Variants in PARD6G observed in about 807,000 individuals in gnomAD.
PARD6G encodes par-6 family cell polarity regulator gamma, also known as partitioning defective 6 homolog gamma.
In PARD6G, 7 loss-of-function variants were observed where a neutral mutation model predicts 10.7. The ratio of observed to expected loss-of-function variants is 0.66; its 90% CI spans 0.37 to 1.23. PARD6G has a LOEUF of 1.23. Among genes scored for constraint, PARD6G ranks in the 50% most tolerant of loss-of-function variants. The pLI, the probability that PARD6G is intolerant of heterozygous loss-of-function variation, is 0.02. For missense variants in PARD6G, 548 were observed against 571.8 expected, an observed-to-expected ratio of 0.96 and a Z score of 0.42; for synonymous variants, 287 against 269.4, an observed-to-expected ratio of 1.07 and a Z score of -0.64.
At chr18:80,214,739 A>G (rs1967145437) in intron 1 of PARD6G, among the ~76,000 whole-genome samples, 1 of 152,120 alleles carries the variant, frequency 6.6e-6, no homozygotes, top group Non-Finnish European at 1.5e-5. Flanking sequence ...CATCAAACAA[A>G]TCTGGAGGTC....
chr18:80,247,016 G>C lies in PARD6G; in HGVS notation c.72+261C>G, dbSNP rs1967559235. On this transcript the variant is annotated intron_variant, in intron 1 of 2. Transcript: ENST00000353265. The surrounding 1 kb of genome is among the most constrained non-coding windows in gnomAD (Gnocchi z 4.2). Reference sequence around the variant, plus strand: ...AACAAAAGAGCAGCTCCCGCGGAGCGGGTCCAGAGTCTGCCCGGACTGTCC... The same window carrying C: ...AACAAAAGAGCAGCTCCCGCGGAGCCGGTCCAGAGTCTGCCCGGACTGTCC... 6.6e-6 allele frequency among the ~76,000 whole-genome samples: 1 copy of C among 152,138 alleles called. No individual in the cohort carries two copies. Among genetic ancestry groups the C allele is most frequent in the Non-Finnish European group, 1.5e-5 (1 of 68,012 alleles).
intron 1 of PARD6G, among the ~76,000 whole-genome samples, chr18:80,206,329 T>G (rs1674272267): frequency 6.6e-6 from 1 of 152,200 alleles, no homozygotes; most frequent in South Asian, 2.1e-4. Context: ...ATATTGGTAT[T>G]GGGTACTAAA....
intron 1 of PARD6G, among the ~76,000 whole-genome samples, chr18:80,217,384 A>C (rs1450103583): frequency 6.7e-6 from 1 of 148,328 alleles, no homozygotes; most frequent in African/African-American, 2.4e-5. Context: ...CTTATGTGTA[A>C]GGCACACGGA....
Position 80,188,448 on chromosome 18 carries a change from C to T in PARD6G, c.295+14262G>A, listed in dbSNP as rs1040068532. 6.6e-6 allele frequency among the ~76,000 whole-genome samples: 1 copy of T among 152,204 alleles called. No homozygotes were observed. The highest frequency in any genetic ancestry group is 1.5e-5 in the Non-Finnish European group (1 of 68,036). On this transcript the variant is annotated intron_variant, in intron 2 of 2. Coordinates refer to ENST00000353265, the MANE Select transcript of PARD6G (RefSeq NM_032510.4). This position sits in a 1 kb window ranked among gnomAD's most constrained non-coding sequence, Gnocchi z 5.4. The stretch of plus-strand genomic sequence containing the variant: ...AGGCACCTCCTCATGGTGCCTTCCA[C>T]CTGCAATTCCCGTCCTGGGCAGCAG...
At chr18:80,240,716 G>C (rs1424543108) in intron 1 of PARD6G, among the ~76,000 whole-genome samples, 1 of 152,156 alleles carries the variant, frequency 6.6e-6, no homozygotes, top group Non-Finnish European at 1.5e-5. Context: ...AATTTCAGGG[G>C]AGACTCAGCA....
At chr18:80,226,178 T>G (rs1404490014) in intron 1 of PARD6G, among the ~76,000 whole-genome samples, 7 of 143,932 alleles carry the variant, frequency 4.9e-5, no homozygotes, top group Non-Finnish European at 1.1e-4. Flanking sequence ...TTTTTTTTTT[T>G]TTTTTTTTTA....
rs547459920 is a variant in PARD6G, at chr18:80,183,508, G to C, written c.295+19202C>G. 1.3e-5 allele frequency among the ~76,000 whole-genome samples: 2 copies of C among 152,110 alleles called. No individual in the cohort carries two copies. The highest frequency in any genetic ancestry group is 2.4e-5 in the African/African-American group (1 of 41,396). On this transcript the variant is annotated intron_variant, in intron 2 of 2. Coordinates refer to ENST00000353265, the MANE Select transcript of PARD6G (RefSeq NM_032510.4). This position sits in a 1 kb window ranked among gnomAD's most constrained non-coding sequence, Gnocchi z 4.5. ...CCAAGGCTCAGCACGTGATCCTGCC[G>C]GTCGTACACACAGCCCCAGCTCGAG...
intron 1 of PARD6G, among the ~76,000 whole-genome samples, chr18:80,225,045 C>G (rs1967276798): frequency 6.6e-6 from 1 of 152,114 alleles, no homozygotes; most frequent in Non-Finnish European, 1.5e-5. Flanking sequence ...TCATCTTAAA[C>G]TCAGTCAGCT....
At chr18:80,179,469 C>T (rs528225768) in intron 2 of PARD6G, among the ~76,000 whole-genome samples, 11 of 152,346 alleles carry the variant, frequency 7.2e-5, no homozygotes, top group Admixed American at 2.0e-4. Flanking sequence ...AAATCCACCA[C>T]AGAAGGCCAA....
chr18:80,218,121 C>T (rs1967190111), intron 1 of PARD6G, among the ~76,000 whole-genome samples: 1 of 152,106 alleles, frequency 6.6e-6, no homozygotes, highest in South Asian at 2.1e-4. Context: ...TATCATTCCA[C>T]CCTGGCCCCT....
intron 2 of PARD6G, 56 bp downstream of exon 2, chr18:80,202,654 G>C (rs1268307654): frequency 6.7e-7 from 1 of 1,499,320 alleles, no homozygotes; most frequent in East Asian, 2.3e-5. Context: ...ATTGAAAACT[G>C]TATTTTAAAA....
chr18:80,241,689 G>A (rs986519339), intron 1 of PARD6G, among the ~76,000 whole-genome samples: 13 of 152,284 alleles, frequency 8.5e-5, no homozygotes, highest in Non-Finnish European at 1.2e-4. Flanking sequence ...GGAAGAGGCT[G>A]GGGCCTACAC....
At chr18:80,191,714 C>A (rs1202964156) in intron 2 of PARD6G, among the ~76,000 whole-genome samples, 1 of 152,158 alleles carries the variant, frequency 6.6e-6, no homozygotes, top group Non-Finnish European at 1.5e-5. Flanking sequence ...TAAGTGGGAC[C>A]CTTGGACTTG....
intron 1 of PARD6G, among the ~76,000 whole-genome samples, chr18:80,245,648 A>G (rs1967536106): frequency 6.6e-6 from 1 of 152,084 alleles, no homozygotes; most frequent in Non-Finnish European, 1.5e-5. Flanking sequence ...AATAATCTCA[A>G]AATAAAAAGT....
intron 2 of PARD6G, among the ~76,000 whole-genome samples, chr18:80,199,570 A>G (rs1390540886): frequency 6.6e-6 from 1 of 152,224 alleles, no homozygotes; most frequent in Non-Finnish European, 1.5e-5. Flanking sequence ...ACATTCATAA[A>G]GGAATGCTGT....
chr18:80,237,260 C>T (rs573472882), intron 1 of PARD6G, among the ~76,000 whole-genome samples: 11 of 152,244 alleles, frequency 7.2e-5, no homozygotes, highest in African/African-American at 2.6e-4. Context: ...AAAGGATTCC[C>T]TATTTAATAA....
intron 2 of PARD6G, among the ~76,000 whole-genome samples, chr18:80,173,050 G>A (rs950680080): frequency 2.0e-5 from 3 of 152,060 alleles, no homozygotes; most frequent in African/African-American, 4.8e-5. Context: ...CATTTCCATC[G>A]GCCTTGGAGA....
intron 2 of PARD6G, among the ~76,000 whole-genome samples, chr18:80,196,272 A>AACTAACC (rs1417660881): frequency 1.3e-5 from 2 of 152,196 alleles, no homozygotes; most frequent in African/African-American, 4.8e-5. Context: ...AACTACGTCC[A>AACTAACC]ACTAACCACG....
chr18:80,199,527 G>A (rs1966989932), intron 2 of PARD6G, among the ~76,000 whole-genome samples: 1 of 152,190 alleles, frequency 6.6e-6, no homozygotes, highest in South Asian at 2.1e-4. Context: ...ATTTTTCCAT[G>A]TGCTAGTATT....
Sources: gnomAD v4.1 joint callset for allele counts (sites outside exome capture counted in the v4.1 genomes callset) on GRCh38, gnomAD v4.1.1 for gene constraint, Gnocchi (gnomAD v3.1) non-coding constraint, MANE v1.5 for transcripts, NCBI Gene and HGNC (gene_info 2026-07-23, HGNC 2026-07-21) for gene names.